The following DNAH8 variants were observed in gnomAD, a reference collection of about 807,000 sequenced individuals.
The protein encoded by DNAH8 is axonemal beta dynein heavy chain 8.
In DNAH8, 382 loss-of-function variants were observed where a neutral mutation model predicts 562.1. The ratio of observed to expected loss-of-function variants is 0.68; its 90% confidence interval spans 0.63 to 0.74. DNAH8 has a LOEUF of 0.74. Ranked by LOEUF, DNAH8 falls within the 30% of genes least tolerant of loss-of-function variation. DNAH8 has a pLI of 0.00. For synonymous variants in DNAH8, 1,881 were observed against 1,919.4 expected (o/e 0.98, Z 0.52); for missense variants, 5,203 against 5,620.4 (o/e 0.93, Z 2.37).
intron 30 of DNAH8, 49 bp downstream of exon 30, chr6:38,828,337 G>GA (rs546382282): frequency 1.5e-4 from 166 of 1,139,504 alleles, no homozygotes; most frequent in Middle Eastern, 2.3e-4. Flanking sequence ...ACTATCTCCA[G>GA]AAAAAAAAGG....
At chr6:38,816,300 T>G (rs1772270183) in intron 26 of DNAH8, among the ~76,000 whole-genome samples, 2 of 152,190 alleles carry the variant, frequency 1.3e-5, no homozygotes, top group Admixed American at 6.5e-5. Context: ...TGTGTTCACA[T>G]TGTTCAGCTC....
intron 91 of DNAH8, 90 bp downstream of exon 91, chr6:39,012,727 T>A (rs1361464086): frequency 1.0e-6 from 1 of 961,488 alleles, no homozygotes; most frequent in Non-Finnish European, 1.6e-6. Context: ...TATAAAACAA[T>A]ATGGAGGCGT....
chr6:38,814,005 A>G (rs753310363), intron 24 of DNAH8, 49 bp from the exon 25 acceptor site: 3 of 1,318,794 alleles, frequency 2.3e-6, no homozygotes, highest in Admixed American at 1.9e-5. Context: ...TAAACTAACA[A>G]TGAAATTTTA....
At chr6:38,965,441 T>C (rs1762907522) in intron 82 of DNAH8, among the ~76,000 whole-genome samples, 1 of 152,216 alleles carries the variant, frequency 6.6e-6, no homozygotes, top group Admixed American at 6.5e-5. Flanking sequence ...GGGAGGAATA[T>C]TGGTGATTTT....
chr6:38,923,997 A>C lies in DNAH8; in HGVS notation c.10797A>C (p.Val3599=), dbSNP rs558716283. 2.5e-6 allele frequency: 4 copies of C among 1,613,816 alleles called. No homozygotes were observed. The highest frequency in any genetic ancestry group is 3.3e-5 in the Admixed American group (2 of 59,990). Residue 3599 remains valine, a synonymous_variant, in exon 73 of 93, where the codon GTA becomes GTC. Coordinates refer to ENST00000327475, the MANE Select transcript of DNAH8 (RefSeq NM_001206927.2). ...CTGTGTGTTTTCTTCACAGACTTGT[A>C]GGTGATATTCTGCTGTGCACGGGAT... The part of the protein sequence containing the change: ...KEFKAQINRL[V]GDILLCTGFL...
chr6:38,733,617 G>T (rs1763832883), intron 4 of DNAH8, among the ~76,000 whole-genome samples: 1 of 152,196 alleles, frequency 6.6e-6, no homozygotes, highest in Non-Finnish European at 1.5e-5. Flanking sequence ...TGCAATTTAA[G>T]ATACAATTAT....
chr6:38,917,868 A>G (rs979153395), intron 69 of DNAH8, 57 bp from the exon 70 acceptor site: 2 of 1,320,742 alleles, frequency 1.5e-6, no homozygotes, highest in Non-Finnish European at 2.1e-6. Context: ...AGTACATATT[A>G]ACTCAGGAAG....
intron 1 of DNAH8, among the ~76,000 whole-genome samples, chr6:38,720,861 G>C (rs1299774393): frequency 1.3e-5 from 2 of 151,770 alleles, no homozygotes; most frequent in African/African-American, 4.8e-5. Context: ...AAAAAATTCA[G>C]AAATTTATCA....
At chr6:38,820,496 G>T (rs1422761355) in intron 26 of DNAH8, among the ~76,000 whole-genome samples, 1 of 151,970 alleles carries the variant, frequency 6.6e-6, no homozygotes, top group Non-Finnish European at 1.5e-5. Flanking sequence ...AAACCACCAG[G>T]GTAGGGAAGG....
At chr6:38,843,477 C>G (rs2150373858) in intron 35 of DNAH8, among the ~76,000 whole-genome samples, 1 of 151,986 alleles carries the variant, frequency 6.6e-6, no homozygotes, top group East Asian at 1.9e-4. Context: ...CTTCGCTTAT[C>G]TCTTTGAGCA....
intron 41 of DNAH8, among the ~76,000 whole-genome samples, chr6:38,856,965 T>G (rs901174519): frequency 6.6e-6 from 1 of 152,138 alleles, no homozygotes; most frequent in East Asian, 1.9e-4. Context: ...CACAGTTTCT[T>G]TATGACTTCA....
intron 59 of DNAH8, among the ~76,000 whole-genome samples, chr6:38,895,722 T>C (rs1266298759): frequency 2.0e-5 from 3 of 152,226 alleles, no homozygotes; most frequent in African/African-American, 2.4e-5. Context: ...AGGTCCTTTG[T>C]GTACTGAATC....
At chr6:38,906,949 G>T (rs1290983183) in intron 63 of DNAH8, among the ~76,000 whole-genome samples, 1 of 152,082 alleles carries the variant, frequency 6.6e-6, no homozygotes, top group Non-Finnish European at 1.5e-5. Flanking sequence ...CTCATTATTG[G>T]AGCATTTTAG....
In DNAH8 at chr6:38,860,183, A is replaced by T. The variant is rs368098745; in HGVS notation, c.5959-274A>T. Among the ~76,000 whole-genome samples the T allele has an allele frequency of 5.9e-5, 9 of 151,994 alleles. No individual in the cohort carries two copies. The East Asian group carries it at 1.7e-3, about 29-fold the overall frequency. ...TTAGGTCCTCCTGCTCCATATATTC[A>T]TGAGCCCTGAATTTCGGTGGTGGTG... On this transcript the variant is annotated intron_variant, in intron 42 of 92. Coordinates refer to ENST00000327475, the MANE Select transcript of DNAH8 (RefSeq NM_001206927.2).
At chr6:39,001,403 A>G (rs747710473) in intron 88 of DNAH8, among the ~76,000 whole-genome samples, 31 of 152,126 alleles carry the variant, frequency 2.0e-4, no homozygotes, top group South Asian at 1.0e-3. Flanking sequence ...ACTGAGAGCT[A>G]TGCGCACACA....
At position 38,851,584 on chromosome 6, in the gene DNAH8, G is replaced by C. The variant is rs371592236; in HGVS notation, c.5376G>C (p.Lys1792Asn). 2.7e-5 allele frequency: 44 copies of C among 1,603,956 alleles called. No homozygotes were observed. Among genetic ancestry groups the C allele is most frequent in the Non-Finnish European group, 3.7e-5 (43 of 1,176,700 alleles). Residue 1792 changes from lysine to asparagine, a missense_variant, in exon 39 of 93, where the codon AAG (lysine) becomes AAC (asparagine). Physicochemically the swap from Lys to Asn is moderately conservative, Grantham distance 94 (BLOSUM62 0). This residue lies in a region of DNAH8 where 2,176 missense variants were observed against 2,365.1 expected (regional missense o/e 0.92). Transcript: ENST00000327475. The part of the protein sequence containing the change: ...CQKSLTGYLE[K>N]KRLLFPRFFF... ...ACTTTATTTGAAGGTATTTGGAGAA[G>C]AAACGATTACTGTTTCCAAGATTCT...
intron 39 of DNAH8, among the ~76,000 whole-genome samples, chr6:38,852,300 G>T (rs1233959343): frequency 6.6e-6 from 1 of 152,086 alleles, no homozygotes; most frequent in Non-Finnish European, 1.5e-5. Flanking sequence ...GGTTTCCAGG[G>T]ACTTGTAACA....
At chr6:38,924,323 C>G (rs1409038570) in intron 73 of DNAH8, among the ~76,000 whole-genome samples, 161 bp downstream of exon 73, 2 of 152,066 alleles carry the variant, frequency 1.3e-5, no homozygotes, top group African/African-American at 2.4e-5. Context: ...CCAGCCTAAC[C>G]AACATGGTGA....
chr6:38,975,023 G>T (rs1763583546), intron 85 of DNAH8, among the ~76,000 whole-genome samples: 1 of 152,132 alleles, frequency 6.6e-6, no homozygotes, highest in Non-Finnish European at 1.5e-5. Flanking sequence ...AACTAGGATT[G>T]GCTGGCTCTG....
Sources: allele counts gnomAD v4.1 joint callset (sites outside exome capture counted in the v4.1 genomes callset), GRCh38; gene constraint gnomAD v4.1.1; regional missense constraint gnomAD v4.1.1; transcripts MANE v1.5; gene names NCBI Gene and HGNC (gene_info 2026-07-23, HGNC 2026-07-21).